ADCY8: variants seen among roughly 807,000 people sequenced by gnomAD.
The protein encoded by ADCY8 is adenylate cyclase type 8.
In ADCY8, 51 loss-of-function variants were observed where a neutral mutation model predicts 119.7. The observed-to-expected ratio is 0.43, with a 90% CI of 0.34 to 0.54. The LOEUF (loss-of-function observed/expected upper bound fraction) is 0.54. Among genes scored for constraint, ADCY8 ranks in the 20% least tolerant of loss-of-function variants. The probability of loss-of-function intolerance (pLI) is 0.03; values close to 1 mark genes in which losing one functional copy is unlikely to be tolerated. For synonymous variants in ADCY8, 665 were observed against 651.0 expected, an observed-to-expected ratio of 1.02 and a Z score of -0.33; for missense variants, 1,383 against 1,598.8, an observed-to-expected ratio of 0.87 and a Z score of 2.30.
intron 2 of ADCY8, among the ~76,000 whole-genome samples, chr8:130,956,232 G>T (rs1821421589): frequency 6.6e-6 from 1 of 152,194 alleles, no homozygotes; most frequent in Non-Finnish European, 1.5e-5. Flanking sequence ...GTTAACCCTT[G>T]TTTTCTTCTC....
intron 14 of ADCY8, among the ~76,000 whole-genome samples, chr8:130,809,676 G>A (rs70994): frequency 0.17 from 25,184 of 152,164 alleles, 2,651 homozygotes; most frequent in South Asian, 0.32. Flanking sequence ...CAAATCACAC[G>A]CTAGTAAGTG....
chr8:130,948,004 C>A (rs1023084844), intron 3 of ADCY8, among the ~76,000 whole-genome samples: 1 of 152,060 alleles, frequency 6.6e-6, no homozygotes, highest in Non-Finnish European at 1.5e-5. Flanking sequence ...AAATGACATA[C>A]GTCATTTTCT....
chr8:130,953,414 T>A (rs1821334107), intron 2 of ADCY8, among the ~76,000 whole-genome samples: 1 of 152,220 alleles, frequency 6.6e-6, no homozygotes, highest in Non-Finnish European at 1.5e-5. Flanking sequence ...GACAATCAGC[T>A]TGCAGAAATA....
chr8:130,937,323 T>A (rs1820818410), intron 4 of ADCY8, 123 bp from the exon 5 acceptor site: 1 of 981,976 alleles, frequency 1.0e-6, no homozygotes, highest in African/African-American at 1.7e-5. Context: ...AGAACCTACC[T>A]TTGAAATATA....
At chr8:130,917,814 T>C (rs1820175863) in intron 5 of ADCY8, among the ~76,000 whole-genome samples, 2 of 151,730 alleles carry the variant, frequency 1.3e-5, no homozygotes, top group Non-Finnish European at 2.9e-5. Context: ...CCATTGGTGC[T>C]TCTTTTATTC....
rs779150935 is a variant in ADCY8 at position 131,039,504 on chromosome 8, G to A, written c.830C>T (p.Thr277Met). Residue 277 changes from threonine to methionine, a missense_variant, in exon 1 of 18, where the codon ACG (threonine) becomes ATG (methionine). Transcript: ENST00000286355. ...LGDGIGYVLF[T>M]LFATYSMLPL... Reference sequence around the variant, plus strand: ...CAGCATACTGTAGGTGGCGAAGAGCGTGAAGAGCACGTAGCCTATGCCGTC... The same window carrying A: ...CAGCATACTGTAGGTGGCGAAGAGCATGAAGAGCACGTAGCCTATGCCGTC... 4 of 1,613,990 alleles carry A rather than the reference G, an allele frequency of 2.5e-6. No individual in the cohort carries two copies. Among genetic ancestry groups the A allele is most frequent in the Non-Finnish European group, 3.4e-6 (4 of 1,180,030 alleles).
intron 3 of ADCY8, chr8:130,949,639 C>T (rs903625929): frequency 6.6e-6 from 1 of 152,106 alleles, no homozygotes; most frequent in African/African-American, 2.4e-5. Context: ...TGGCTGACTT[C>T]GTCTCAAATA....
intron 15 of ADCY8, among the ~76,000 whole-genome samples, chr8:130,800,160 G>T (rs1191082654): frequency 6.6e-6 from 1 of 152,094 alleles, no homozygotes; most frequent in Non-Finnish European, 1.5e-5. Flanking sequence ...TCCTGCCTTT[G>T]CCATCTGCCA....
chr8:130,797,423 A>G (rs534736176), intron 15 of ADCY8, among the ~76,000 whole-genome samples: 1 of 152,344 alleles, frequency 6.6e-6, no homozygotes, highest in South Asian at 2.1e-4. Context: ...AATTAAAAAA[A>G]TTGGAAGTAT....
At chr8:130,885,092 C>CAA (rs199619523) in intron 7 of ADCY8, among the ~76,000 whole-genome samples, 1 of 151,676 alleles carries the variant, frequency 6.6e-6, no homozygotes, top group Admixed American at 6.6e-5. Flanking sequence ...GAAAGAGAAC[C>CAA]AAAAAAATAA....
intron 3 of ADCY8, among the ~76,000 whole-genome samples, chr8:130,948,133 A>G (rs1821159946): frequency 6.6e-6 from 1 of 152,234 alleles, no homozygotes; most frequent in South Asian, 2.1e-4. Context: ...TTTGTTCCTG[A>G]ATCACCCACT....
intron 8 of ADCY8, among the ~76,000 whole-genome samples, chr8:130,874,073 C>T (rs1265851157): frequency 1.3e-5 from 2 of 151,966 alleles, no homozygotes; most frequent in Admixed American, 6.6e-5. Flanking sequence ...TTTGGGAGGC[C>T]GAGGTGGGTG....
chr8:130,976,586 C>CTTA (rs1269831959), intron 2 of ADCY8, among the ~76,000 whole-genome samples: 2 of 152,082 alleles, frequency 1.3e-5, no homozygotes, highest in Non-Finnish European at 2.9e-5. Flanking sequence ...GAAGTCATTT[C>CTTA]TTATTCATTG....
In ADCY8 at chr8:130,961,551, G is replaced by T. The variant is rs367591045; in HGVS notation, c.1111-9553C>A. ...TAGTTCTGCTTTAAAGTTGCTTAAT[G>T]TTCTTTCCTTTGAGAGGTCTATGTA... is the stretch of plus-strand genomic sequence containing the variant. On this transcript the variant is annotated intron_variant, in intron 2 of 17. Coordinates refer to ENST00000286355, the MANE Select transcript of ADCY8 (RefSeq NM_001115.3). Among the ~76,000 whole-genome samples the T allele has an allele frequency of 1.6e-4, 24 of 152,158 alleles. No individual in the cohort carries two copies. The East Asian group carries it at 3.3e-3, about 21-fold the overall frequency.
intron 17 of ADCY8, among the ~76,000 whole-genome samples, chr8:130,782,124 C>G (rs1211558965): frequency 2.0e-5 from 3 of 151,652 alleles, no homozygotes; most frequent in Non-Finnish European, 4.4e-5. Flanking sequence ...CCTTGTTGAG[C>G]AGAGAATATG....
At chr8:130,869,950 CT>C (rs1818281450) in intron 8 of ADCY8, among the ~76,000 whole-genome samples, 2 of 103,648 alleles carry the variant, frequency 1.9e-5, no homozygotes, top group South Asian at 7.2e-4. Flanking sequence ...TCTTCTTCTT[CT>C]TCTTCTTCTT....
intron 2 of ADCY8, among the ~76,000 whole-genome samples, chr8:130,982,911 C>G (rs569482456): frequency 6.6e-6 from 1 of 152,160 alleles, no homozygotes. Context: ...AAAACAGGCA[C>G]GTTGCAGATG....
At chr8:130,936,072 C>CGT (rs1563735585) in intron 5 of ADCY8, among the ~76,000 whole-genome samples, 45 of 97,158 alleles carry the variant, frequency 4.6e-4, no homozygotes, top group African/African-American at 1.9e-3. Context: ...CAAGCACTGA[C>CGT]ATGTGTGTGT....
chr8:131,034,043 A>G (rs1259408183), intron 1 of ADCY8, among the ~76,000 whole-genome samples: 2 of 152,094 alleles, frequency 1.3e-5, no homozygotes, highest in Non-Finnish European at 2.9e-5. Flanking sequence ...GGGTTTTAAG[A>G]AATGCACACC....
Sources: gnomAD v4.1 joint callset for allele counts (sites outside exome capture counted in the v4.1 genomes callset) on GRCh38, gnomAD v4.1.1 for gene constraint, MANE v1.5 for transcripts, NCBI Gene and HGNC (gene_info 2026-07-23, HGNC 2026-07-21) for gene names.